RNF152: variants seen among roughly 807,000 people sequenced by gnomAD.
The protein encoded by RNF152 is ring finger protein 152.
In RNF152, 11 loss-of-function variants were observed where a neutral mutation model predicts 12.7. The observed-to-expected ratio is 0.86, with a 90% CI of 0.54 to 1.43. The LOEUF is 1.43. RNF152 is among the 40% of genes most tolerant of loss of function. The pLI, the probability that RNF152 is intolerant of heterozygous loss-of-function variation, is 0.00. For synonymous variants in RNF152, 113 were observed against 120.3 expected (o/e 0.94, Z 0.40); for missense variants, 255 against 274.8 (o/e 0.93, Z 0.51).
At chr18:61,863,400 A>G (rs1475414665) in intron 1 of RNF152, among the ~76,000 whole-genome samples, 1 of 144,560 alleles carries the variant, frequency 6.9e-6, no homozygotes, top group African/African-American at 2.6e-5. Context: ...GTGCCACCGC[A>G]CTCCAGCCTG....
rs1908829928 is a variant in RNF152, at chr18:61,812,044, G to C, written c.*3808C>G. 1 of 152,064 alleles carries C rather than the reference G, an allele frequency of 6.6e-6. No individual in the cohort carries two copies. The highest frequency in any genetic ancestry group is 1.9e-4 in the East Asian group (1 of 5,190). 9.4% of individuals were successfully genotyped at this position (152,064 alleles called of 1,614,324 possible). Reference sequence around the variant, plus strand: ...CCCAGAAAGGAATGTTTTGCCTTTTGCCAACTGCATGTCACTAGCCCACAA... The same window carrying C: ...CCCAGAAAGGAATGTTTTGCCTTTTCCCAACTGCATGTCACTAGCCCACAA... On this transcript the variant is annotated 3_prime_UTR_variant, in exon 2 of 2. Transcript: ENST00000312828.
intron 1 of RNF152, among the ~76,000 whole-genome samples, chr18:61,872,269 G>A (rs781162468): frequency 2.2e-4 from 33 of 152,084 alleles, no homozygotes; most frequent in Middle Eastern, 3.2e-3. Flanking sequence ...CTTTCACCAG[G>A]CCCCACCTCC....
chr18:61,873,177 T>C (rs1314521950), intron 1 of RNF152, among the ~76,000 whole-genome samples: 1 of 152,170 alleles, frequency 6.6e-6, no homozygotes, highest in East Asian at 1.9e-4. Flanking sequence ...CTCCTAATTA[T>C]TATGAGAATG....
rs552831596 is a variant in RNF152, at chr18:61,853,976, A to G, written c.-135-37378T>C. Among the ~76,000 whole-genome samples, 18 of 151,906 alleles carry G rather than the reference A, an allele frequency of 1.2e-4. 1 individual carries two copies. The highest frequency in any genetic ancestry group is 1.0e-3 in the South Asian group (5 of 4,800). ...ACCTGCCCATTTTTCAACTGAGAAA[A>G]CTCAGGCTCAAGGTTGCCTGAGGTC... On this transcript the variant is annotated intron_variant, in intron 1 of 1. Coordinates refer to ENST00000312828, the MANE Select transcript of RNF152 (RefSeq NM_173557.3).
intron 1 of RNF152, among the ~76,000 whole-genome samples, chr18:61,830,084 C>T (rs1025070897): frequency 6.7e-6 from 1 of 149,390 alleles, no homozygotes; most frequent in Non-Finnish European, 1.5e-5. Context: ...TGCAGTGGTG[C>T]GATCTTGGCT....
intron 1 of RNF152, among the ~76,000 whole-genome samples, chr18:61,876,895 T>A (rs923549180): frequency 7.9e-5 from 12 of 152,312 alleles, no homozygotes; most frequent in African/African-American, 2.9e-4. Flanking sequence ...GACTCAGATA[T>A]TTGGAAGTTA....
At chr18:61,848,647 A>G (rs2144689269) in intron 1 of RNF152, among the ~76,000 whole-genome samples, 1 of 152,308 alleles carries the variant, frequency 6.6e-6, no homozygotes, top group Middle Eastern at 3.4e-3. Flanking sequence ...GCCCCCAGAG[A>G]CCAGCACCTG....
intron 1 of RNF152, among the ~76,000 whole-genome samples, chr18:61,854,647 C>T (rs1446242231): frequency 1.3e-5 from 2 of 152,132 alleles, no homozygotes; most frequent in Non-Finnish European, 2.9e-5. Context: ...AAGGTAGTGA[C>T]TACAATTTTC....
intron 1 of RNF152, among the ~76,000 whole-genome samples, chr18:61,889,649 C>T (rs2144775715): frequency 6.6e-6 from 1 of 152,340 alleles, no homozygotes; most frequent in East Asian, 1.9e-4. Context: ...GAAAAAGCCT[C>T]TTGCCCAAAT....
intron 1 of RNF152, among the ~76,000 whole-genome samples, chr18:61,848,396 G>T (rs964885430): frequency 4.6e-5 from 7 of 152,022 alleles, no homozygotes; most frequent in African/African-American, 1.2e-4. Context: ...GAAGCTCTAG[G>T]TTTATATGTC....
intron 1 of RNF152, among the ~76,000 whole-genome samples, chr18:61,850,663 G>GA (rs1174607826): frequency 4.6e-5 from 7 of 152,076 alleles, no homozygotes; most frequent in Non-Finnish European, 8.8e-5. Context: ...CATTTGCTAT[G>GA]AAAAAAATAT....
intron 1 of RNF152, among the ~76,000 whole-genome samples, chr18:61,866,377 C>T (rs1219920162): frequency 6.6e-6 from 1 of 152,178 alleles, no homozygotes; most frequent in Non-Finnish European, 1.5e-5. Flanking sequence ...ACACCAGGAG[C>T]TGGCAGCAAA....
intron 1 of RNF152, among the ~76,000 whole-genome samples, chr18:61,858,519 A>G (rs1408124778): frequency 1.3e-5 from 2 of 151,720 alleles, no homozygotes; most frequent in East Asian, 3.9e-4. Context: ...TTCTCCCTAG[A>G]CTTCACATTC....
intron 1 of RNF152, among the ~76,000 whole-genome samples, chr18:61,844,382 C>T (rs757463417): frequency 3.9e-4 from 60 of 152,174 alleles, no homozygotes; most frequent in Non-Finnish European, 6.8e-4. Context: ...TCTCACACAA[C>T]AAACCTGAGA....
intron 1 of RNF152, among the ~76,000 whole-genome samples, chr18:61,866,745 C>T (rs1248190567): frequency 6.6e-6 from 1 of 152,256 alleles, no homozygotes; most frequent in African/African-American, 2.4e-5. Context: ...TTGGTGGTGA[C>T]ACCGGGGGTG....
At chr18:61,873,779 G>A (rs907751557) in intron 1 of RNF152, among the ~76,000 whole-genome samples, 7 of 152,128 alleles carry the variant, frequency 4.6e-5, no homozygotes, top group Admixed American at 3.9e-4. Context: ...CATATTTTCT[G>A]AGGAAATAAC....
Position 61,853,181 on chromosome 18 carries a change from T to C in RNF152, c.-135-36583A>G, listed in dbSNP as rs1033936134. Among the ~76,000 whole-genome samples the C allele has an allele frequency of 3.9e-5, 6 of 152,160 alleles. 1 individual carries two copies. The highest frequency in any genetic ancestry group is 2.0e-4 in the Admixed American group (3 of 15,274). On this transcript the variant is annotated intron_variant, in intron 1 of 1. Transcript: ENST00000312828. ...AGCAGCTTAAAGCAACATGAATTGATTATCTTATAGGTCTGGAGCCCAGAT... is the reference window on the plus strand; with the variant it reads ...AGCAGCTTAAAGCAACATGAATTGACTATCTTATAGGTCTGGAGCCCAGAT...
intron 1 of RNF152, among the ~76,000 whole-genome samples, chr18:61,852,032 C>T (rs978609921): frequency 9.2e-5 from 14 of 152,144 alleles, no homozygotes; most frequent in Admixed American, 7.2e-4. Flanking sequence ...GGCCAGGGTG[C>T]TCTCAGTGAC....
At chr18:61,859,655 G>A (rs1599303909) in intron 1 of RNF152, among the ~76,000 whole-genome samples, 1 of 152,182 alleles carries the variant, frequency 6.6e-6, no homozygotes, top group African/African-American at 2.4e-5. Context: ...GAGGCGGGCA[G>A]ATCACTTGAA....
Sources: gnomAD v4.1 joint callset for allele counts (sites outside exome capture counted in the v4.1 genomes callset) on GRCh38, gnomAD v4.1.1 for gene constraint, MANE v1.5 for transcripts, NCBI Gene and HGNC (gene_info 2026-07-23, HGNC 2026-07-21) for gene names.